The following NFKB1 variants were observed in gnomAD, a reference collection of about 807,000 sequenced individuals.
The protein encoded by NFKB1 is nuclear factor NF-kappa-B p105 subunit.
Under a neutral mutation model 105.1 loss-of-function variants are expected in NFKB1, and 9 were observed. The ratio of observed to expected loss-of-function variants is 0.09; its 90% CI spans 0.05 to 0.15. The LOEUF is 0.15. NFKB1 is among the 10% of genes least tolerant of loss of function. NFKB1 has a pLI of 1.00. For missense variants in NFKB1, 830 were observed against 1,203.7 expected (o/e 0.69, Z 4.59); for synonymous variants, 440 against 442.2 (o/e 1.00, Z 0.06).
rs1725991902 is a variant in NFKB1, at chr4:102,589,437, G to A, written c.1067-3988G>A. 1.3e-5 allele frequency among the ~76,000 whole-genome samples: 2 copies of A among 151,542 alleles called. 1 individual carries two copies. The highest frequency in any genetic ancestry group is 4.2e-4 in the South Asian group (2 of 4,788). On this transcript the variant is annotated intron_variant, in intron 11 of 23. Coordinates refer to ENST00000226574, the MANE Select transcript of NFKB1 (RefSeq NM_003998.4). Reference sequence around the variant, plus strand: ...TCCACTTAAAGGTCATCCCCTTCTAGTGGAAGCATATTTTTCTCAAAATTT... The same window carrying A: ...TCCACTTAAAGGTCATCCCCTTCTAATGGAAGCATATTTTTCTCAAAATTT...
rs1012268820 is a variant in NFKB1 at position 102,501,756 on chromosome 4, C to G, written c.-40C>G. On this transcript the variant is annotated 5_prime_UTR_variant, in exon 1 of 24. Coordinates refer to ENST00000226574, the MANE Select transcript of NFKB1 (RefSeq NM_003998.4). ...CCGCTTAGGAGGGAGAGCCCACCCG[C>G]GCCAGGAGGCCGAACGCGGACTCGC... 1 of 152,236 alleles carries G rather than the reference C, an allele frequency of 6.6e-6. No homozygotes were observed. The highest frequency in any genetic ancestry group is 1.5e-5 in the Non-Finnish European group (1 of 68,082). 9.4% of individuals were successfully genotyped at this position (152,236 alleles called of 1,614,324 possible). A position where few individuals can be genotyped will look rare whatever the true frequency, so the allele number is the denominator to read the frequency against.
At chr4:102,550,059 C>G (rs1722456179) in intron 5 of NFKB1, among the ~76,000 whole-genome samples, 1 of 151,748 alleles carries the variant, frequency 6.6e-6, no homozygotes, top group African/African-American at 2.4e-5. Context: ...TTTAAAAGAG[C>G]TTTCTTCATT....
chr4:102,503,315 A>G (rs530910260), intron 1 of NFKB1: 6 of 151,862 alleles, frequency 4.0e-5, no homozygotes, highest in Non-Finnish European at 5.9e-5. Context: ...TACACCTGCA[A>G]TTCCTAAATG....
rs748452969 is a variant in NFKB1 at position 102,577,057 on chromosome 4, G to A, written c.571+18G>A. 6.2e-7 allele frequency: 1 copy of A among 1,603,288 alleles called. No homozygotes were observed. The highest frequency in any genetic ancestry group is 8.5e-7 in the Non-Finnish European group (1 of 1,176,520). On this transcript the variant is annotated intron_variant, in intron 7 of 23. Coordinates refer to ENST00000226574, the MANE Select transcript of NFKB1 (RefSeq NM_003998.4). The stretch of plus-strand genomic sequence containing the variant: ...GCTGGGAGGTAAGCATCATTTTCCT[G>A]GCCTTGATCCTCCAAGGGGTCCAGG...
chr4:102,607,581 CTG>C (rs985361423), intron 18 of NFKB1, 66 bp from the exon 19 acceptor site: 6 of 1,488,782 alleles, frequency 4.0e-6, no homozygotes, highest in Non-Finnish European at 5.6e-6. Context: ...GCCATGCACA[CTG>C]GGAGGTGGGG....
chr4:102,569,946 A>C (rs1354204630), intron 6 of NFKB1, among the ~76,000 whole-genome samples: 1 of 152,108 alleles, frequency 6.6e-6, no homozygotes, highest in East Asian at 1.9e-4. Flanking sequence ...TCTTGGTAAA[A>C]AATAATAATA....
chr4:102,616,808 A>C lies in NFKB1; in HGVS notation c.*214A>C. On this transcript the variant is annotated 3_prime_UTR_variant, in exon 24 of 24. Transcript: ENST00000226574. ...CACTTACAGATAGTATCTAGCAATC[A>C]CAACACTGGCTGAGCGGATGCATCT... 2.1e-6 allele frequency: 1 copy of C among 479,790 alleles called. No homozygotes were observed. Among genetic ancestry groups the C allele is most frequent in the Non-Finnish European group, 3.7e-6 (1 of 268,620 alleles). 29.7% of individuals were successfully genotyped at this position (479,790 alleles called of 1,614,324 possible).
At position 102,616,652 on chromosome 4, in the gene NFKB1, C is replaced by T; in HGVS notation, c.*58C>T. 6.4e-7 allele frequency: 1 copy of T among 1,563,578 alleles called. No individual in the cohort carries two copies. On this transcript the variant is annotated 3_prime_UTR_variant, in exon 24 of 24. Coordinates refer to ENST00000226574, the MANE Select transcript of NFKB1 (RefSeq NM_003998.4). Reference sequence around the variant, plus strand: ...AAGCCCTAAAATTCCACTGCGTTGTCCACAAGACAGAAGCTGAAGTGCATC... The same window carrying T: ...AAGCCCTAAAATTCCACTGCGTTGTTCACAAGACAGAAGCTGAAGTGCATC...
intron 1 of NFKB1, among the ~76,000 whole-genome samples, chr4:102,523,430 C>T (rs1740695424): frequency 6.6e-6 from 1 of 152,144 alleles, no homozygotes; most frequent in Non-Finnish European, 1.5e-5. Flanking sequence ...CATCAGCTTT[C>T]TCACTCTTCC....
chr4:102,540,900 AG>A (rs1741957329), intron 5 of NFKB1, among the ~76,000 whole-genome samples: 1 of 152,178 alleles, frequency 6.6e-6, no homozygotes, highest in South Asian at 2.1e-4. Flanking sequence ...GTTTAAGCAG[AG>A]GAAAAAATTG....
chr4:102,611,875 A>G (rs1274304385), intron 20 of NFKB1, among the ~76,000 whole-genome samples, 169 bp from the exon 21 acceptor site: 1 of 152,204 alleles, frequency 6.6e-6, no homozygotes, highest in Non-Finnish European at 1.5e-5. Context: ...CTTCCCCCAA[A>G]GGGTACCATA....
chr4:102,589,473 G>A (rs913892706), intron 11 of NFKB1, among the ~76,000 whole-genome samples: 1 of 145,302 alleles, frequency 6.9e-6, no homozygotes, highest in African/African-American at 2.5e-5. Context: ...GGCAACCTTG[G>A]TTTTTTTTTT....
chr4:102,596,017 A>G (rs1726579083), intron 13 of NFKB1, 121 bp from the exon 14 acceptor site: 1 of 552,610 alleles, frequency 1.8e-6, no homozygotes, highest in South Asian at 5.0e-5. Context: ...TTAAATTATT[A>G]TTTTTCTTTT....
chr4:102,578,232 C>G, intron 7 of NFKB1: 1 of 152,576 alleles, frequency 6.6e-6, no homozygotes, highest in Admixed American at 6.5e-5. Context: ...CTCCAAAGCC[C>G]TCTGAACTCT....
At chr4:102,595,579 A>G (rs569366401) in intron 13 of NFKB1, among the ~76,000 whole-genome samples, 67 of 152,370 alleles carry the variant, frequency 4.4e-4, no homozygotes, top group Admixed American at 1.9e-3. Flanking sequence ...AAAAGGCATC[A>G]AAGTTCAGAA....
chr4:102,582,831 T>C (rs377249372), intron 9 of NFKB1, 35 bp from the exon 10 acceptor site: 11 of 1,361,316 alleles, frequency 8.1e-6, no homozygotes, highest in Admixed American at 3.4e-5. Context: ...ATTTACACTA[T>C]GTGAAATTAC....
intron 1 of NFKB1, among the ~76,000 whole-genome samples, chr4:102,522,048 G>A (rs556537572): frequency 6.6e-5 from 10 of 152,256 alleles, no homozygotes; most frequent in African/African-American, 2.4e-4. Context: ...TGGCTTCAAG[G>A]TCCTTCCTCA....
chr4:102,550,867 C>G (rs1159357485), intron 5 of NFKB1, among the ~76,000 whole-genome samples: 1 of 152,076 alleles, frequency 6.6e-6, no homozygotes, highest in Non-Finnish European at 1.5e-5. Flanking sequence ...AGGGGTTTTC[C>G]CATCCCTGTT....
At chr4:102,551,347 G>GGTGTGTGTGT (rs199492662) in intron 5 of NFKB1, among the ~76,000 whole-genome samples, 2 of 139,008 alleles carry the variant, frequency 1.4e-5, no homozygotes, top group African/African-American at 6.0e-5. Context: ...ATTCTAAATT[G>GGTGTGTGTGT]GTGTGTGTGT....
Sources: allele counts gnomAD v4.1 joint callset (sites outside exome capture counted in the v4.1 genomes callset), GRCh38; gene constraint gnomAD v4.1.1; transcripts MANE v1.5; gene names NCBI Gene and HGNC (gene_info 2026-07-23, HGNC 2026-07-21).